Variants in SATB2 observed in about 807,000 individuals in gnomAD.
The protein encoded by SATB2 is DNA-binding protein SATB2.
SATB2 carries 1 observed loss-of-function variant against 73.4 expected under a neutral mutation model. That is an observed-to-expected ratio of 0.01 (90% CI 0.00 to 0.06). The LOEUF is 0.06. Ranked by LOEUF, SATB2 falls within the 10% of genes least tolerant of loss-of-function variation. The pLI, the probability that SATB2 is intolerant of heterozygous loss-of-function variation, is 1.00. For synonymous variants in SATB2, 397 were observed against 367.0 expected, an observed-to-expected ratio of 1.08 and a Z score of -0.93; for missense variants, 459 against 945.8, an observed-to-expected ratio of 0.49 and a Z score of 6.75.
At position 199,355,731 on chromosome 2, in the gene SATB2, G is replaced by A. The variant is rs531119817; in HGVS notation, c.701-6558C>T. Among the ~76,000 whole-genome samples the A allele has an allele frequency of 1.6e-4, 25 of 152,062 alleles. No homozygotes were observed. In the South Asian group the frequency reaches 2.3e-3, roughly 14 times the overall value. On this transcript the variant is annotated intron_variant, in intron 6 of 10. Transcript: ENST00000417098. ...ATCTAAGAGCATCTTTAAAAGTACC[G>A]TTTTAAAACAATTATCTTTCTCAGA...
intron 5 of SATB2, among the ~76,000 whole-genome samples, chr2:199,371,813 T>C (rs929681076): frequency 6.6e-6 from 1 of 152,170 alleles, no homozygotes; most frequent in Non-Finnish European, 1.5e-5. Context: ...TACAAAGCAA[T>C]ACTAATACAA....
intron 2 of SATB2, among the ~76,000 whole-genome samples, chr2:199,442,550 G>C (rs1691849860): frequency 6.6e-6 from 1 of 152,050 alleles, no homozygotes; most frequent in South Asian, 2.1e-4. Context: ...AATGTTTAAT[G>C]ATCCTAGAAT....
At chr2:199,372,398 T>C (rs1689475915) in intron 5 of SATB2, among the ~76,000 whole-genome samples, 1 of 152,232 alleles carries the variant, frequency 6.6e-6, no homozygotes, top group South Asian at 2.1e-4. Flanking sequence ...ATTTAATACT[T>C]ATGATAGCTA....
chr2:199,412,700 T>G (rs1690857536), intron 3 of SATB2, among the ~76,000 whole-genome samples: 1 of 151,498 alleles, frequency 6.6e-6, no homozygotes, highest in Admixed American at 6.6e-5. Context: ...TTTATCACAA[T>G]GATTTGAGAA....
intron 2 of SATB2, among the ~76,000 whole-genome samples, chr2:199,444,815 AC>A (rs1691916609): frequency 6.6e-6 from 1 of 152,250 alleles, no homozygotes. Context: ...AAGAAACTAT[AC>A]ATGACAGTTT....
At chr2:199,443,309 G>A (rs1467800341) in intron 2 of SATB2, among the ~76,000 whole-genome samples, 1 of 151,868 alleles carries the variant, frequency 6.6e-6, no homozygotes, top group African/African-American at 2.4e-5. Flanking sequence ...ACAGTACTGA[G>A]GTCCTCTTGA....
chr2:199,469,868 T>C (rs1692670710), upstream of SATB2: 1 of 152,146 alleles, frequency 6.6e-6, no homozygotes, highest in African/African-American at 2.4e-5. Context: ...TTCCGGAAAG[T>C]GGGAGGAGCA....
At chr2:199,411,834 G>C (rs1690829277) in intron 3 of SATB2, among the ~76,000 whole-genome samples, 1 of 152,198 alleles carries the variant, frequency 6.6e-6, no homozygotes, top group South Asian at 2.1e-4. Context: ...AAGTGTTATA[G>C]GGGCATAAAG....
intron 3 of SATB2, among the ~76,000 whole-genome samples, chr2:199,421,868 G>A (rs1691181241): frequency 6.6e-6 from 1 of 152,160 alleles, no homozygotes; most frequent in Non-Finnish European, 1.5e-5. Flanking sequence ...CCTTGCACCT[G>A]CAATGAACAA....
rs149202936 is a variant in SATB2, at chr2:199,291,157, G to A, written c.1740+17603C>T. Reference sequence around the variant, plus strand: ...AACAGAATGAACAAAGAGAGACTTTGTGAAGAAACAACAAAGAAAAAAAGT... The same window carrying A: ...AACAGAATGAACAAAGAGAGACTTTATGAAGAAACAACAAAGAAAAAAAGT... On this transcript the variant is annotated intron_variant, in intron 10 of 10. Transcript: ENST00000417098. Among the ~76,000 whole-genome samples the A allele has an allele frequency of 2.8e-3, 431 of 152,234 alleles. 6 individuals are homozygous for A. The highest frequency in any genetic ancestry group is 9.9e-4 in the Non-Finnish European group (67 of 68,008).
intron 10 of SATB2, among the ~76,000 whole-genome samples, chr2:199,292,506 T>C (rs1006720330): frequency 2.0e-5 from 3 of 152,204 alleles, no homozygotes; most frequent in Non-Finnish European, 4.4e-5. Flanking sequence ...AAATGTCTAG[T>C]AGTGTTGACA....
intron 2 of SATB2, among the ~76,000 whole-genome samples, chr2:199,438,588 T>C (rs528467333): frequency 8.7e-4 from 132 of 152,350 alleles, no homozygotes; most frequent in African/African-American, 3.0e-3. Flanking sequence ...GTCACAACAC[T>C]GGCTATGAAA....
intron 7 of SATB2, among the ~76,000 whole-genome samples, chr2:199,340,007 A>G (rs1217275802): frequency 6.6e-6 from 1 of 152,182 alleles, no homozygotes; most frequent in East Asian, 1.9e-4. Flanking sequence ...GGGCATGAAT[A>G]TACTATAAAC....
intron 4 of SATB2, among the ~76,000 whole-genome samples, chr2:199,380,815 G>C (rs1574567500): frequency 6.6e-6 from 1 of 152,122 alleles, no homozygotes; most frequent in South Asian, 2.1e-4. Context: ...CAATACAAAT[G>C]TAATTATTGT....
At chr2:199,274,574 A>G (rs1374486136) in intron 10 of SATB2, among the ~76,000 whole-genome samples, 2 of 152,228 alleles carry the variant, frequency 1.3e-5, no homozygotes, top group African/African-American at 4.8e-5. Context: ...GATAATCAGA[A>G]GCAAATAAGA....
chr2:199,426,738 A>G (rs1170879497), intron 3 of SATB2, among the ~76,000 whole-genome samples: 1 of 151,834 alleles, frequency 6.6e-6, no homozygotes, highest in East Asian at 1.9e-4. Context: ...GAAAGAAAGA[A>G]AAAGAAAAAA....
intron 6 of SATB2, among the ~76,000 whole-genome samples, chr2:199,350,168 C>T (rs1688772952): frequency 6.6e-6 from 1 of 152,070 alleles, no homozygotes; most frequent in Admixed American, 6.6e-5. Context: ...GAAATTATTT[C>T]TTATAATTGC....
chr2:199,415,304 C>A (rs1690944314), intron 3 of SATB2, among the ~76,000 whole-genome samples: 1 of 152,104 alleles, frequency 6.6e-6, no homozygotes, highest in African/African-American at 2.4e-5. Flanking sequence ...AATAACCATT[C>A]AAAATGACTA....
chr2:199,356,225 CAAAAA>C (rs200509001), intron 6 of SATB2, among the ~76,000 whole-genome samples: 2 of 100,990 alleles, frequency 2.0e-5, no homozygotes, highest in South Asian at 4.1e-4. Flanking sequence ...GAACATAAGC[CAAAAA>C]AAAAAAAAAA....
Sources: gnomAD v4.1 joint callset for allele counts (sites outside exome capture counted in the v4.1 genomes callset) on GRCh38, gnomAD v4.1.1 for gene constraint, MANE v1.5 for transcripts, NCBI Gene and HGNC (gene_info 2026-07-23, HGNC 2026-07-21) for gene names.